SYN3: variants seen among roughly 807,000 people sequenced by gnomAD.
SYN3 encodes the protein synapsin III.
Under a neutral mutation model 65.8 loss-of-function variants are expected in SYN3, and 35 were observed. That is an observed-to-expected ratio of 0.53 (90% CI 0.41 to 0.70). SYN3 has a LOEUF of 0.70. Among genes scored for constraint, SYN3 ranks in the 30% least tolerant of loss-of-function variants. The pLI is 0.00. For synonymous variants in SYN3, 270 were observed against 292.9 expected, an observed-to-expected ratio of 0.92 and a Z score of 0.80; for missense variants, 680 against 749.0, an observed-to-expected ratio of 0.91 and a Z score of 1.08.
At chr22:33,009,257 T>C (rs1372051292) in intron 1 of SYN3, among the ~76,000 whole-genome samples, 1 of 152,206 alleles carries the variant, frequency 6.6e-6, no homozygotes, top group Non-Finnish European at 1.5e-5. Context: ...AGAGTTCCCG[T>C]TCCTCCACAT....
intron 4 of SYN3, among the ~76,000 whole-genome samples, chr22:32,894,029 A>G (rs1047648215): frequency 3.3e-5 from 5 of 152,170 alleles, no homozygotes; most frequent in Admixed American, 2.6e-4. Flanking sequence ...CATTGGTCCA[A>G]CTGGATCGAG....
chr22:32,626,523 C>A (rs1456932184), intron 6 of SYN3, among the ~76,000 whole-genome samples: 2 of 151,958 alleles, frequency 1.3e-5, no homozygotes, highest in Non-Finnish European at 2.9e-5. Context: ...TAAACAAGGA[C>A]CGAGAGTAGG....
chr22:32,675,424 C>T (rs890768761), intron 6 of SYN3, among the ~76,000 whole-genome samples: 1 of 152,140 alleles, frequency 6.6e-6, no homozygotes, highest in African/African-American at 2.4e-5. Context: ...GTGCAGCAAC[C>T]TAGGGCTATT....
At chr22:32,546,649 A>G (rs1170803896) in intron 7 of SYN3, among the ~76,000 whole-genome samples, 2 of 152,090 alleles carry the variant, frequency 1.3e-5, no homozygotes, top group African/African-American at 4.8e-5. Context: ...AATGGCTGCT[A>G]GCCTGGGCAG....
At position 32,543,030 on chromosome 22, in the gene SYN3, C is replaced by T. The variant is rs528193029; in HGVS notation, c.775-1317G>A. On this transcript the variant is annotated intron_variant, in intron 7 of 13. Transcript: ENST00000358763. ...CCCTGTGGAGTGGCCGGGCACTAGG[C>T]GGTCCACGTGGGGTTGGTCTCGGCC... Among the ~76,000 whole-genome samples, 92 of 152,166 alleles carry T rather than the reference C, an allele frequency of 6.0e-4. 2 individuals are homozygous for T. The Middle Eastern group carries it at 0.014, about 23-fold the overall frequency.
At chr22:32,850,424 T>G (rs1222085196) in intron 6 of SYN3, among the ~76,000 whole-genome samples, 1 of 152,088 alleles carries the variant, frequency 6.6e-6, no homozygotes. Flanking sequence ...GCGGGTGGTA[T>G]ACAATGGAAG....
intron 6 of SYN3, among the ~76,000 whole-genome samples, chr22:32,781,673 T>C (rs2046068872): frequency 6.6e-6 from 1 of 150,596 alleles, no homozygotes; most frequent in South Asian, 2.1e-4. Flanking sequence ...GCTAATATTA[T>C]TATTATTATT....
intron 6 of SYN3, among the ~76,000 whole-genome samples, chr22:32,795,475 A>AC (rs1476945314): frequency 6.6e-6 from 1 of 152,200 alleles, no homozygotes; most frequent in Non-Finnish European, 1.5e-5. Flanking sequence ...AGTTTTGGAC[A>AC]CCTGGAGTCC....
At chr22:32,794,130 C>T (rs745639515) in intron 6 of SYN3, among the ~76,000 whole-genome samples, 12 of 152,206 alleles carry the variant, frequency 7.9e-5, no homozygotes, top group Non-Finnish European at 1.5e-4. Flanking sequence ...GGAATTTCCT[C>T]AGCAAAGCTT....
At chr22:32,814,337 A>AAGAGAAAGAAAG (rs1386455549) in intron 6 of SYN3, among the ~76,000 whole-genome samples, 3 of 25,894 alleles carry the variant, frequency 1.2e-4, no homozygotes, top group African/African-American at 4.7e-4. Context: ...GAAAGAAAGA[A>AAGAGAAAGAAAG]AGAGAAAGAA....
At chr22:32,916,799 AT>A (rs938748370) in intron 4 of SYN3, among the ~76,000 whole-genome samples, 4 of 152,242 alleles carry the variant, frequency 2.6e-5, no homozygotes, top group African/African-American at 9.6e-5. Flanking sequence ...AAAGGTTTGA[AT>A]GTCAATAAAC....
chr22:32,605,229 G>A (rs1469678692), intron 6 of SYN3, among the ~76,000 whole-genome samples: 2 of 152,080 alleles, frequency 1.3e-5, no homozygotes, highest in Non-Finnish European at 2.9e-5. Context: ...AACAGGCAGA[G>A]TCAGGAGGAA....
chr22:32,815,301 G>A (rs117004633), intron 6 of SYN3, among the ~76,000 whole-genome samples: 2,014 of 152,274 alleles, frequency 0.013, 19 homozygotes, highest in Admixed American at 0.018. Context: ...ACCCATGTGC[G>A]GTGACACTGG....
chr22:33,048,876 T>A (rs1426797023), intron 1 of SYN3, among the ~76,000 whole-genome samples: 1 of 152,210 alleles, frequency 6.6e-6, no homozygotes, highest in Non-Finnish European at 1.5e-5. Context: ...TACATACTCC[T>A]AAGAATTCCC....
At chr22:32,805,376 A>G (rs1403914305) in intron 6 of SYN3, among the ~76,000 whole-genome samples, 1 of 152,206 alleles carries the variant, frequency 6.6e-6, no homozygotes, top group Non-Finnish European at 1.5e-5. Flanking sequence ...CAAAGAAACC[A>G]GATCCATCCC....
intron 7 of SYN3, among the ~76,000 whole-genome samples, chr22:32,542,529 C>T (rs554382331): frequency 7.1e-6 from 1 of 140,024 alleles, no homozygotes; most frequent in Non-Finnish European, 1.5e-5. Context: ...TGCGGTGCTT[C>T]TGTGTGTGTG....
At chr22:32,593,198 T>G (rs1027796421) in intron 7 of SYN3, among the ~76,000 whole-genome samples, 1 of 152,220 alleles carries the variant, frequency 6.6e-6, no homozygotes, top group African/African-American at 2.4e-5. Context: ...AAAAGTCCTT[T>G]TCCCTTGATC....
intron 6 of SYN3, among the ~76,000 whole-genome samples, chr22:32,763,476 C>G (rs1165161552): frequency 1.3e-5 from 2 of 152,160 alleles, no homozygotes; most frequent in African/African-American, 4.8e-5. Context: ...AAGAGTACTT[C>G]TTGATGAAGT....
intron 6 of SYN3, among the ~76,000 whole-genome samples, chr22:32,856,007 A>G (rs2048353392): frequency 6.6e-6 from 1 of 152,226 alleles, no homozygotes; most frequent in Admixed American, 6.5e-5. Flanking sequence ...AGAATAAAAA[A>G]CATGGAGAAT....
Sources: allele counts gnomAD v4.1 joint callset (sites outside exome capture counted in the v4.1 genomes callset), GRCh38; gene constraint gnomAD v4.1.1; transcripts MANE v1.5; gene names NCBI Gene and HGNC (gene_info 2026-07-23, HGNC 2026-07-21).